Variants in CARMIL1 observed in about 807,000 individuals in gnomAD.
CARMIL1 encodes the protein capping protein regulator and myosin 1 linker 1.
A neutral mutation model predicts 177.1 loss-of-function variants in CARMIL1; 90 were observed. That is an observed-to-expected ratio of 0.51 (90% CI 0.43 to 0.61). The LOEUF is 0.61. CARMIL1 is among the 20% of genes least tolerant of loss of function. The pLI, the probability that CARMIL1 is intolerant of heterozygous loss-of-function variation, is 0.00. For missense variants in CARMIL1, 1,380 were observed against 1,667.0 expected (o/e 0.83, Z 3.00); for synonymous variants, 577 against 606.2 (o/e 0.95, Z 0.71).
intron 11 of CARMIL1, among the ~76,000 whole-genome samples, chr6:25,475,355 C>T (rs888749451): frequency 2.0e-5 from 3 of 150,504 alleles, no homozygotes; most frequent in Non-Finnish European, 4.4e-5. Context: ...GAGCCAAGAT[C>T]GAGCCACTGC....
At chr6:25,505,141 T>C (rs1488797069) in intron 17 of CARMIL1, among the ~76,000 whole-genome samples, 1 of 152,244 alleles carries the variant, frequency 6.6e-6, no homozygotes, top group African/African-American at 2.4e-5. Context: ...TTTTACATCT[T>C]TCAAGAAGGA....
At chr6:25,574,651 A>T (rs974389874) in intron 29 of CARMIL1, among the ~76,000 whole-genome samples, 2 of 152,172 alleles carry the variant, frequency 1.3e-5, no homozygotes, top group Middle Eastern at 3.2e-3. Flanking sequence ...ACAGTGTATA[A>T]TATTATTTTG....
At chr6:25,315,776 A>G (rs1290425052) in intron 2 of CARMIL1, among the ~76,000 whole-genome samples, 6 of 152,376 alleles carry the variant, frequency 3.9e-5, no homozygotes, top group Admixed American at 2.0e-4. Context: ...GTGCTCACAC[A>G]GAACCAGATA....
At chr6:25,484,101 C>G (rs1040683078) in intron 12 of CARMIL1, among the ~76,000 whole-genome samples, 1 of 152,200 alleles carries the variant, frequency 6.6e-6, no homozygotes, top group African/African-American at 2.4e-5. Flanking sequence ...AGACAACCCC[C>G]TCTCACCACA....
At chr6:25,587,576 A>G (rs1223040592) in intron 31 of CARMIL1, among the ~76,000 whole-genome samples, 1 of 152,252 alleles carries the variant, frequency 6.6e-6, no homozygotes, top group African/African-American at 2.4e-5. Context: ...TCTTTACAAT[A>G]TAAATCTTAT....
chr6:25,571,456 T>A (rs758533635), intron 29 of CARMIL1, among the ~76,000 whole-genome samples: 3 of 152,306 alleles, frequency 2.0e-5, no homozygotes, highest in South Asian at 2.1e-4. Flanking sequence ...AGTAGAAAGT[T>A]ATAATTTTGC....
chr6:25,329,740 A>G (rs1400630019), intron 2 of CARMIL1, among the ~76,000 whole-genome samples: 1 of 152,220 alleles, frequency 6.6e-6, no homozygotes, highest in African/African-American at 2.4e-5. Flanking sequence ...AAATTTTTCA[A>G]AGATACTCAA....
chr6:25,286,381 C>T (rs1412822978), intron 2 of CARMIL1, among the ~76,000 whole-genome samples: 2 of 152,158 alleles, frequency 1.3e-5, no homozygotes, highest in African/African-American at 4.8e-5. Context: ...ATGGTAAAGG[C>T]ATTGAATGGG....
At chr6:25,533,064 T>G (rs925287670) in intron 24 of CARMIL1, among the ~76,000 whole-genome samples, 12 of 151,980 alleles carry the variant, frequency 7.9e-5, no homozygotes, top group African/African-American at 2.9e-4. Context: ...AAAGAAAGGG[T>G]GAGGAGGGGG....
rs528410429 is a variant in CARMIL1, at chr6:25,362,410, C to T, written c.139-57704C>T. Among the ~76,000 whole-genome samples, 7 of 152,324 alleles carry T rather than the reference C, an allele frequency of 4.6e-5. No individual in the cohort carries two copies. In the East Asian group the frequency reaches 1.3e-3, roughly 29 times the overall value. On this transcript the variant is annotated intron_variant, in intron 2 of 36. Coordinates refer to ENST00000329474, the MANE Select transcript of CARMIL1 (RefSeq NM_017640.6). ...ACTACACGGGCCGGGCGTGGTGGCT[C>T]ATGCCTGTAATCCCAGTACTTTGGG...
rs977935665 is a variant in CARMIL1, at chr6:25,509,960, A to G, written c.1477+223A>G. Among the ~76,000 whole-genome samples the G allele has an allele frequency of 2.0e-5, 3 of 152,204 alleles. No homozygotes were observed. Among genetic ancestry groups the G allele is most frequent in the Admixed American group, 6.5e-5 (1 of 15,278 alleles). On this transcript the variant is annotated intron_variant, in intron 18 of 36. Transcript: ENST00000329474. This position sits in a 1 kb window ranked among gnomAD's most constrained non-coding sequence, Gnocchi z 4.1. ...CTCTGTGGCCAACTATGCAAAGTCTATGCAGTAAAACAACTCAGTTATAAA... is the reference window on the plus strand; with the variant it reads ...CTCTGTGGCCAACTATGCAAAGTCTGTGCAGTAAAACAACTCAGTTATAAA...
At chr6:25,374,412 T>A (rs970147834) in intron 2 of CARMIL1, among the ~76,000 whole-genome samples, 1 of 152,222 alleles carries the variant, frequency 6.6e-6, no homozygotes, top group African/African-American at 2.4e-5. Context: ...TTTGATTTTT[T>A]AAAATTTATC....
At chr6:25,490,741 ATAAATAAAT>A (rs1314694994) in intron 13 of CARMIL1, among the ~76,000 whole-genome samples, 5 of 127,110 alleles carry the variant, frequency 3.9e-5, no homozygotes, top group Non-Finnish European at 6.1e-5. Context: ...AAATAAATAA[ATAAATAAAT>A]AAAAAAAAAT....
chr6:25,454,355 C>T (rs1799269292), intron 8 of CARMIL1, among the ~76,000 whole-genome samples: 1 of 152,108 alleles, frequency 6.6e-6, no homozygotes, highest in Non-Finnish European at 1.5e-5. Flanking sequence ...TGAAAGCAGA[C>T]CTAGACAATG....
chr6:25,590,483 T>A (rs1318662689), intron 31 of CARMIL1, among the ~76,000 whole-genome samples: 1 of 152,184 alleles, frequency 6.6e-6, no homozygotes, highest in African/African-American at 2.4e-5. Flanking sequence ...TTCAAAGTTA[T>A]ACTATCTCCA....
intron 8 of CARMIL1, chr6:25,452,217 C>A (rs1799035876): frequency 1.3e-6 from 1 of 763,942 alleles, no homozygotes; most frequent in African/African-American, 1.7e-5. Flanking sequence ...GCCTCCAGTT[C>A]TCAGGCAATT....
In CARMIL1 at chr6:25,528,875, C is replaced by T; in HGVS notation, c.2049C>T (p.Val683=). 6.2e-7 allele frequency: 1 copy of T among 1,608,774 alleles called. No individual in the cohort carries two copies. Among genetic ancestry groups the T allele is most frequent in the Non-Finnish European group, 8.5e-7 (1 of 1,177,570 alleles). ...EQAYRLQQGI[V]TSTTQQMIDR... The stretch of plus-strand genomic sequence containing the variant: ...CCTACCGCCTGCAGCAGGGTATTGT[C>T]ACCAGCACCACCCAGCAGGTAAGCG... Residue 683 remains valine, a synonymous_variant, in exon 24 of 37, where the codon GTC becomes GTT. Transcript: ENST00000329474.
At chr6:25,614,930 A>G (rs1020688764) in intron 36 of CARMIL1, among the ~76,000 whole-genome samples, 5 of 152,246 alleles carry the variant, frequency 3.3e-5, no homozygotes, top group Non-Finnish European at 7.3e-5. Context: ...GGAGCTGGTC[A>G]AATTTTGATG....
At chr6:25,529,548 T>A (rs1400425025) in intron 24 of CARMIL1, among the ~76,000 whole-genome samples, 1 of 152,066 alleles carries the variant, frequency 6.6e-6, no homozygotes, top group African/African-American at 2.4e-5. Context: ...AACAAAGGAA[T>A]TGAGCTCAGA....
Sources: gnomAD v4.1 joint callset for allele counts (sites outside exome capture counted in the v4.1 genomes callset) on GRCh38, gnomAD v4.1.1 for gene constraint, Gnocchi (gnomAD v3.1) non-coding constraint, MANE v1.5 for transcripts, NCBI Gene and HGNC (gene_info 2026-07-23, HGNC 2026-07-21) for gene names.